Variants in HLX observed in about 807,000 individuals in gnomAD.
HLX encodes H2.0-like homeobox protein.
A neutral mutation model predicts 27.7 loss-of-function variants in HLX; 6 were observed. That is an observed-to-expected ratio of 0.22 (90% CI 0.12 to 0.43). HLX has a LOEUF of 0.43. Ranked by LOEUF, HLX falls within the 20% of genes least tolerant of loss-of-function variation. The pLI is 1.00. For synonymous variants in HLX, 328 were observed against 293.8 expected, an observed-to-expected ratio of 1.12 and a Z score of -1.19; for missense variants, 666 against 655.2, an observed-to-expected ratio of 1.02 and a Z score of -0.18.
rs997449243 is a variant in HLX at position 220,879,500 on chromosome 1, T to C, written c.-358T>C. The C allele has an allele frequency of 3.1e-6, 1 of 320,958 alleles. No homozygotes were observed. The highest frequency in any genetic ancestry group is 5.7e-6 in the Non-Finnish European group (1 of 174,180). 19.9% of individuals were successfully genotyped at this position (320,958 alleles called of 1,614,324 possible). A position where few individuals can be genotyped will look rare whatever the true frequency, so the allele number is the denominator to read the frequency against. ...TTATTGTTGTTGTTTTAAATTTAGCTCTTAGGGCTTAGCTATTTGGGTTTT... is the reference window on the plus strand; with the variant it reads ...TTATTGTTGTTGTTTTAAATTTAGCCCTTAGGGCTTAGCTATTTGGGTTTT... On this transcript the variant is annotated 5_prime_UTR_variant, in exon 1 of 4. Transcript: ENST00000366903.
At chr1:220,881,525 C>G in intron 2 of HLX, 152 bp downstream of exon 2, 1 of 749,230 alleles carries the variant, frequency 1.3e-6, no homozygotes, top group Middle Eastern at 3.0e-4. Flanking sequence ...AAAGATTTCT[C>G]AGCGAGCTAG....
intron 1 of HLX, 198 bp downstream of exon 1, chr1:220,880,647 A>C: frequency 1.6e-6 from 1 of 618,624 alleles, no homozygotes; most frequent in Non-Finnish European, 2.8e-6. Context: ...ACAAAAAATG[A>C]CTCCAGGGAT....
Position 220,879,778 on chromosome 1 carries a change from G to C in HLX, c.-80G>C, listed in dbSNP as rs1674381631. 6.8e-6 allele frequency: 10 copies of C among 1,462,082 alleles called. No individual in the cohort carries two copies. The highest frequency in any genetic ancestry group is 2.7e-5 in the South Asian group (2 of 73,500). The allele number at this position is 1,462,082 out of a possible 1,614,324, so 90.6% of individuals were successfully genotyped here. A position where few individuals can be genotyped will look rare whatever the true frequency, so the allele number is the denominator to read the frequency against. On this transcript the variant is annotated 5_prime_UTR_variant, in exon 1 of 4. Coordinates refer to ENST00000366903, the MANE Select transcript of HLX (RefSeq NM_021958.4). ...GTCCTCGGCTGCCGCCGCCTTCTCC[G>C]GGACTCGCGCGCCCCTCCCCGCGCG...
chr1:220,884,615 G>A lies in HLX; in HGVS notation c.1378G>A (p.Ala460Thr), dbSNP rs1383883307. The change falls in exon 4 of 4, where the codon GCC becomes ACC. Residue 460 changes from alanine to threonine, a missense_variant. By Grantham distance (58) the Ala-to-Thr change is moderately conservative. Transcript: ENST00000366903. The surrounding 1 kb of genome is among the most constrained non-coding windows in gnomAD (Gnocchi z 4.9). ...GCASSLGGGGASELLPATQPT... is the reference protein window; with the variant it reads ...GCASSLGGGGTSELLPATQPT... Reference sequence around the variant, plus strand: ...CGCCAGCAGCCTTGGCGGCGGCGGCGCCTCGGAGCTTCTCCCTGCAACACA... The same window carrying A: ...CGCCAGCAGCCTTGGCGGCGGCGGCACCTCGGAGCTTCTCCCTGCAACACA... The A allele has an allele frequency of 6.2e-7, 1 of 1,608,154 alleles. No homozygotes were observed. Among genetic ancestry groups the A allele is most frequent in the Non-Finnish European group, 8.5e-7 (1 of 1,177,750 alleles).
In HLX at chr1:220,884,521, C is replaced by T. The variant is rs773525622; in HGVS notation, c.1284C>T (p.Gly428=). ...ASSAGSGGSS[G]GGGNSFSFSS... is the part of the protein sequence containing the mutation. ...GTGCTGGGAGTGGTGGGAGCAGCGGCGGCGGCGGCAATAGTTTCAGCTTCA... is the reference window on the plus strand; with the variant it reads ...GTGCTGGGAGTGGTGGGAGCAGCGGTGGCGGCGGCAATAGTTTCAGCTTCA... The change falls in exon 4 of 4, where the codon GGC becomes GGT. Residue 428 remains glycine, a synonymous_variant. Coordinates refer to ENST00000366903, the MANE Select transcript of HLX (RefSeq NM_021958.4). This position sits in a 1 kb window ranked among gnomAD's most constrained non-coding sequence, Gnocchi z 4.9. The T allele has an allele frequency of 1.9e-6, 3 of 1,611,998 alleles. No individual in the cohort carries two copies. The African/African-American group carries it at 4.0e-5, about 22-fold the overall frequency.
chr1:220,881,926 G>A, intron 2 of HLX: 1 of 594,956 alleles, frequency 1.7e-6, no homozygotes, highest in East Asian at 3.2e-5. Flanking sequence ...GGAATTAAAG[G>A]ACAAGCCGCC....
At chr1:220,881,464 C>T in intron 2 of HLX, 91 bp downstream of exon 2, 2 of 1,073,660 alleles carry the variant, frequency 1.9e-6, no homozygotes, top group Non-Finnish European at 1.4e-6. Flanking sequence ...GCCACGGTGT[C>T]GCAATCTCAC....
In HLX at chr1:220,879,603, C is replaced by A; in HGVS notation, c.-255C>A. ...CAGCGCCCCTCGCTCTCATCCAGCCCGCGAGGAGTGCGGGCGCCGCGCCGC... is the reference window on the plus strand; with the variant it reads ...CAGCGCCCCTCGCTCTCATCCAGCCAGCGAGGAGTGCGGGCGCCGCGCCGC... On this transcript the variant is annotated 5_prime_UTR_variant, in exon 1 of 4. Coordinates refer to ENST00000366903, the MANE Select transcript of HLX (RefSeq NM_021958.4). 1 of 550,930 alleles carries A rather than the reference C, an allele frequency of 1.8e-6. No homozygotes were observed. Among genetic ancestry groups the A allele is most frequent in the African/African-American group, 2.0e-5 (1 of 49,680 alleles). The allele number at this position is 550,930 out of a possible 1,614,324, so 34.1% of individuals were successfully genotyped here.
Position 220,882,290 on chromosome 1 carries a change from A to G in HLX, c.899A>G (p.Tyr300Cys). 6.2e-7 allele frequency: 1 copy of G among 1,614,252 alleles called. No individual in the cohort carries two copies. The highest frequency in any genetic ancestry group is 8.5e-7 in the Non-Finnish European group (1 of 1,180,030). ...GLEKRFEIQK[Y>C]VTKPDRKQLA... Reference sequence around the variant, plus strand: ...GAGAAAAGGTTTGAGATTCAGAAGTACGTGACCAAGCCGGACCGAAAGCAG... The same window carrying G: ...GAGAAAAGGTTTGAGATTCAGAAGTGCGTGACCAAGCCGGACCGAAAGCAG... Residue 300 changes from tyrosine to cysteine, a missense_variant, in exon 3 of 4, where the codon TAC becomes TGC. Physicochemically the swap from Tyr to Cys is radical, Grantham distance 194. Transcript: ENST00000366903.
At chr1:220,883,901 A>C (rs1674511414) in intron 3 of HLX, 5 of 490,160 alleles carry the variant, frequency 1.0e-5, no homozygotes. Flanking sequence ...GGTCGGGTGC[A>C]GGAATCTGCC....
chr1:220,880,107 T>G lies in HLX; in HGVS notation c.250T>G (p.Ser84Ala). The G allele has an allele frequency of 6.2e-7, 1 of 1,601,030 alleles. No individual in the cohort carries two copies. The highest frequency in any genetic ancestry group is 8.5e-7 in the Non-Finnish European group (1 of 1,174,678). Residue 84 changes from serine to alanine, a missense_variant, in exon 1 of 4, where the codon TCT (serine) becomes GCT (alanine). Ser to Ala is a moderately conservative substitution (Grantham distance 99). Transcript: ENST00000366903. ...CTTGGGCTCGGTTCACCCGCACGCCTCTTTCCAAGCGGCGGCCAGATCCCC... is the reference window on the plus strand; with the variant it reads ...CTTGGGCTCGGTTCACCCGCACGCCGCTTTCCAAGCGGCGGCCAGATCCCC... ...AHLGSVHPHA[S>A]FQAAARSPLR...
intron 1 of HLX, 81 bp downstream of exon 1, chr1:220,880,530 G>A: frequency 6.8e-7 from 1 of 1,473,010 alleles, no homozygotes; most frequent in Middle Eastern, 1.9e-4. Flanking sequence ...GTGCCTTTGA[G>A]TGTTTTTACA....
chr1:220,880,806 T>C (rs1163857497), intron 1 of HLX: 1 of 391,690 alleles, frequency 2.6e-6, no homozygotes, highest in African/African-American at 2.0e-5. Context: ...CTTTCGCACT[T>C]ATCTGATTTC....
chr1:220,884,416 G>A lies in HLX; in HGVS notation c.1179G>A (p.Arg393=). ...SLDMAPSDTE[R]TEGSERSLHQ... ...ACATGGCCCCCAGCGACACGGAGCGGACTGAGGGGAGTGAGCGTTCTCTGC... is the reference window on the plus strand; with the variant it reads ...ACATGGCCCCCAGCGACACGGAGCGAACTGAGGGGAGTGAGCGTTCTCTGC... The change falls in exon 4 of 4, where the codon CGG becomes CGA. Residue 393 remains arginine (R), a synonymous_variant. Transcript: ENST00000366903. This position sits in a 1 kb window ranked among gnomAD's most constrained non-coding sequence, Gnocchi z 4.9. 1.2e-6 allele frequency: 2 copies of A among 1,614,164 alleles called. No individual in the cohort carries two copies. Among genetic ancestry groups the A allele is most frequent in the Admixed American group, 1.7e-5 (1 of 60,022 alleles).
At position 220,880,261 on chromosome 1, in the gene HLX, A is replaced by G. The variant is rs1287152603; in HGVS notation, c.404A>G (p.Gln135Arg). 6.2e-7 allele frequency: 1 copy of G among 1,613,274 alleles called. No homozygotes were observed. Among genetic ancestry groups the G allele is most frequent in the African/African-American group, 1.3e-5 (1 of 74,940 alleles). The change falls in exon 1 of 4, where the codon CAG (glutamine) becomes CGG (arginine). Residue 135 changes from glutamine (Q) to arginine (R), a missense_variant. Transcript: ENST00000366903. ...QQQQQQQQPQ[Q>R]QQPPPPPRAG... The stretch of plus-strand genomic sequence containing the variant: ...CAACAGCAGCAGCAACAGCCGCAGC[A>G]GCAACAGCCTCCGCCTCCGCCCCGG...
rs1471688672 is a variant in HLX, at chr1:220,880,458, T to C, written c.592+9T>C. ...AGGCAACACGCTGAGAGGTAGGTCT[T>C]GGGCGGGAGGCTGCAGGCCTCTGAC... On this transcript the variant is annotated intron_variant, in intron 1 of 3. Coordinates refer to ENST00000366903, the MANE Select transcript of HLX (RefSeq NM_021958.4). The C allele has an allele frequency of 3.7e-6, 6 of 1,613,154 alleles. No individual in the cohort carries two copies.
At chr1:220,880,747 C>T in intron 1 of HLX, 1 of 493,808 alleles carries the variant, frequency 2.0e-6, no homozygotes, top group Non-Finnish European at 3.6e-6. Flanking sequence ...AATAATGTAT[C>T]TAGAGACAGA....
In HLX at chr1:220,884,491, C is replaced by G; in HGVS notation, c.1254C>G (p.Ala418=). The G allele has an allele frequency of 6.2e-7, 1 of 1,614,088 alleles. No individual in the cohort carries two copies. The highest frequency in any genetic ancestry group is 2.2e-5 in the East Asian group (1 of 44,874). ...CGGTCACTGGCGCCCTCATTACCGC[C>G]AGCAGTGCTGGGAGTGGTGGGAGCA... is the stretch of plus-strand genomic sequence containing the variant. ...KAPVTGALIT[A]SSAGSGGSSG... Residue 418 remains alanine, a synonymous_variant, in exon 4 of 4, where the codon GCC becomes GCG. Coordinates refer to ENST00000366903, the MANE Select transcript of HLX (RefSeq NM_021958.4). The surrounding 1 kb of genome is among the most constrained non-coding windows in gnomAD (Gnocchi z 4.9).
In HLX at chr1:220,881,176, C is replaced by G. The variant is rs551633924; in HGVS notation, c.593-18C>G. Reference sequence around the variant, plus strand: ...TGTGCCCGAGATGTAACCTGCTATCCTTTTCCCTTGTCCCCAGATCTCACT... The same window carrying G: ...TGTGCCCGAGATGTAACCTGCTATCGTTTTCCCTTGTCCCCAGATCTCACT... On this transcript the variant is annotated intron_variant, in intron 1 of 3. Transcript: ENST00000366903. 4.3e-5 allele frequency: 70 copies of G among 1,611,464 alleles called. No individual in the cohort carries two copies. The South Asian group carries it at 7.1e-4, about 16-fold the overall frequency.
Sources: allele counts gnomAD v4.1 joint callset, GRCh38; gene constraint gnomAD v4.1.1; non-coding constraint Gnocchi (gnomAD v3.1); transcripts MANE v1.5; gene names NCBI Gene and HGNC (gene_info 2026-07-23, HGNC 2026-07-21).